PSD3: variants seen among roughly 807,000 people sequenced by gnomAD.
The protein encoded by PSD3 is pleckstrin and Sec7 domain containing 3.
A neutral mutation model predicts 105.5 loss-of-function variants in PSD3; 49 were observed. The observed-to-expected ratio is 0.46, with a 90% CI of 0.37 to 0.59. The LOEUF (loss-of-function observed/expected upper bound fraction) is 0.59, where lower values mean the gene tolerates loss of function less well. Ranked by LOEUF, PSD3 falls within the 20% of genes least tolerant of loss-of-function variation. The pLI, the probability that PSD3 is intolerant of heterozygous loss-of-function variation, is 0.00. For synonymous variants in PSD3, 557 were observed against 457.8 expected (o/e 1.22, Z -2.77); for missense variants, 1,561 against 1,263.8 (o/e 1.24, Z -3.57).
chr8:18,985,238 T>G (rs1214553667), intron 1 of PSD3, among the ~76,000 whole-genome samples: 1 of 152,164 alleles, frequency 6.6e-6, no homozygotes, highest in Non-Finnish European at 1.5e-5. Context: ...CCGGTCATCC[T>G]TTGCTTTTAT....
At chr8:18,672,197 T>A (rs1180534147) in intron 9 of PSD3, among the ~76,000 whole-genome samples, 1 of 152,164 alleles carries the variant, frequency 6.6e-6, no homozygotes, top group African/African-American at 2.4e-5. Context: ...TAAAGTGACC[T>A]TGTAAATATA....
intron 1 of PSD3, among the ~76,000 whole-genome samples, chr8:19,044,182 C>T (rs1349218569): frequency 6.6e-6 from 1 of 152,224 alleles, no homozygotes; most frequent in African/African-American, 2.4e-5. Flanking sequence ...TCCTGCTTAT[C>T]AATATTTATC....
chr8:18,847,143 C>G (rs1474609830), intron 4 of PSD3, among the ~76,000 whole-genome samples: 2 of 152,246 alleles, frequency 1.3e-5, no homozygotes, highest in South Asian at 2.1e-4. Context: ...TGCTTTCATG[C>G]GAGAAACCAG....
intron 9 of PSD3, among the ~76,000 whole-genome samples, chr8:18,669,599 G>T (rs74816908): frequency 0.034 from 5,183 of 152,286 alleles, 287 homozygotes; most frequent in African/African-American, 0.12. Context: ...GACAAAGGAA[G>T]GATTCGCGTC....
At chr8:18,979,217 G>A (rs2129472629) in intron 1 of PSD3, among the ~76,000 whole-genome samples, 1 of 151,926 alleles carries the variant, frequency 6.6e-6, no homozygotes, top group East Asian at 1.9e-4. Flanking sequence ...TTTCATTGCA[G>A]GCTTCCAAAA....
chr8:18,760,284 T>C (rs929827738), intron 9 of PSD3, among the ~76,000 whole-genome samples: 38 of 152,158 alleles, frequency 2.5e-4, no homozygotes, highest in Non-Finnish European at 4.4e-4. Flanking sequence ...AAATCTATTC[T>C]CCTAGTATTT....
At chr8:18,638,456 C>G (rs2130790071) in intron 10 of PSD3, among the ~76,000 whole-genome samples, 1 of 151,688 alleles carries the variant, frequency 6.6e-6, no homozygotes, top group Admixed American at 6.6e-5. Flanking sequence ...ATTAAAAAAC[C>G]AACACACAAA....
intron 11 of PSD3, among the ~76,000 whole-genome samples, chr8:18,609,417 C>A (rs754584462): frequency 5.3e-5 from 8 of 152,168 alleles, no homozygotes; most frequent in Non-Finnish European, 1.2e-4. Flanking sequence ...CCAAAATAAA[C>A]CCAGCACTTT....
At chr8:18,838,749 C>T (rs1338491830) in intron 4 of PSD3, among the ~76,000 whole-genome samples, 1 of 150,852 alleles carries the variant, frequency 6.6e-6, no homozygotes, top group Admixed American at 6.6e-5. Context: ...TTGCAGTGAG[C>T]CGCGACAGCG....
chr8:18,687,415 G>A (rs756638616), intron 9 of PSD3, among the ~76,000 whole-genome samples: 2 of 151,948 alleles, frequency 1.3e-5, no homozygotes, highest in African/African-American at 4.8e-5. Context: ...GCAGTGAGCT[G>A]TGATCATACA....
rs534474635 is a variant in PSD3, at chr8:18,778,143, G to C, written c.2083-12605C>G. Among the ~76,000 whole-genome samples the C allele has an allele frequency of 1.0e-3, 156 of 152,182 alleles. 4 individuals carry two copies. The South Asian group carries it at 0.03, about 29-fold the overall frequency. Reference sequence around the variant, plus strand: ...CTCTGACATTAATTTCCTTCCATTTGGATAAAAACATAGTAGTGGGGTTGC... The same window carrying C: ...CTCTGACATTAATTTCCTTCCATTTCGATAAAAACATAGTAGTGGGGTTGC... On this transcript the variant is annotated intron_variant, in intron 8 of 15. Coordinates refer to ENST00000327040, the MANE Select transcript of PSD3 (RefSeq NM_015310.4).
At chr8:18,669,567 C>G (rs1799664058) in intron 9 of PSD3, among the ~76,000 whole-genome samples, 1 of 152,200 alleles carries the variant, frequency 6.6e-6, no homozygotes, top group Non-Finnish European at 1.5e-5. Context: ...GGGCAGGGAG[C>G]ATCCACAGTG....
chr8:18,775,581 C>T (rs1807979648), intron 8 of PSD3, among the ~76,000 whole-genome samples: 1 of 152,140 alleles, frequency 6.6e-6, no homozygotes, highest in Admixed American at 6.5e-5. Context: ...TTGCATTTCC[C>T]TGTAACACTG....
At chr8:18,936,377 G>A (rs1023091890) in intron 1 of PSD3, among the ~76,000 whole-genome samples, 2 of 152,190 alleles carry the variant, frequency 1.3e-5, no homozygotes, top group African/African-American at 4.8e-5. Flanking sequence ...CTATAGGGAA[G>A]TCAGAGGAAA....
At chr8:18,806,537 G>A (rs746173211) in intron 4 of PSD3, among the ~76,000 whole-genome samples, 12 of 152,130 alleles carry the variant, frequency 7.9e-5, no homozygotes, top group Non-Finnish European at 1.8e-4. Context: ...CACGGCCTTC[G>A]AACACACTTA....
At chr8:18,881,586 G>A (rs758825849) in intron 2 of PSD3, among the ~76,000 whole-genome samples, 11 of 152,094 alleles carry the variant, frequency 7.2e-5, no homozygotes, top group African/African-American at 1.7e-4. Flanking sequence ...GTTTTCATGC[G>A]GGATTCTCAG....
At chr8:18,822,044 C>A (rs1018173937) in intron 4 of PSD3, among the ~76,000 whole-genome samples, 1 of 152,070 alleles carries the variant, frequency 6.6e-6, no homozygotes, top group African/African-American at 2.4e-5. Context: ...CGTAAAAGTC[C>A]TTCAGAAAAG....
intron 8 of PSD3, among the ~76,000 whole-genome samples, chr8:18,789,171 G>A (rs1809466351): frequency 6.6e-6 from 1 of 152,126 alleles, no homozygotes; most frequent in African/African-American, 2.4e-5. Flanking sequence ...GGTTCTCAAA[G>A]CGTTTCAGAG....
chr8:18,622,326 AC>A (rs1222005651), intron 11 of PSD3, among the ~76,000 whole-genome samples: 7 of 152,288 alleles, frequency 4.6e-5, no homozygotes, highest in African/African-American at 1.7e-4. Context: ...TTACAAAAAA[AC>A]CTTTTGAAAC....
Sources: gnomAD v4.1 joint callset for allele counts (sites outside exome capture counted in the v4.1 genomes callset) on GRCh38, gnomAD v4.1.1 for gene constraint, MANE v1.5 for transcripts, NCBI Gene and HGNC (gene_info 2026-07-23, HGNC 2026-07-21) for gene names.